The following MED16 variants were observed in gnomAD, a reference collection of about 807,000 sequenced individuals.
The protein encoded by MED16 is mediator of RNA polymerase II transcription subunit 16.
MED16 carries 81 observed loss-of-function variants against 84.4 expected under a neutral mutation model. The observed-to-expected ratio is 0.96, with a 90% CI of 0.80 to 1.15. The LOEUF (loss-of-function observed/expected upper bound fraction) is 1.15, where lower values mean the gene tolerates loss of function less well. Among genes scored for constraint, MED16 ranks in the 50% most tolerant of loss-of-function variants. MED16 has a pLI of 0.00. For missense variants in MED16, 1,585 were observed against 1,245.9 expected (o/e 1.27, Z -4.10); for synonymous variants, 897 against 552.2 (o/e 1.62, Z -8.76).
At chr19:873,637 C>T (rs2036156145) in intron 10 of MED16, 55 bp from the exon 11 acceptor site, 3 of 1,597,068 alleles carry the variant, frequency 1.9e-6, no homozygotes, top group Non-Finnish European at 8.5e-7. Context: ...ACAGGGTGAC[C>T]TAACTGCACC....
At chr19:889,608 C>T (rs768991637) in intron 4 of MED16, 30 bp downstream of exon 4, 1 of 1,587,692 alleles carries the variant, frequency 6.3e-7, no homozygotes, top group South Asian at 1.1e-5. Flanking sequence ...TCTCATCTGC[C>T]TCATCCGCTC....
At chr19:886,351 G>A (rs2036527551) in intron 4 of MED16, 150 bp from the exon 5 acceptor site, 4 of 668,602 alleles carry the variant, frequency 6.0e-6, no homozygotes, top group Non-Finnish European at 9.6e-6. Context: ...TGAGCCGTGT[G>A]GGATGTGATC....
chr19:889,743 C>T lies in MED16; in HGVS notation c.342G>A (p.Leu114=). 6.2e-7 allele frequency: 1 copy of T among 1,613,626 alleles called. No individual in the cohort carries two copies. The highest frequency in any genetic ancestry group is 8.5e-7 in the Non-Finnish European group (1 of 1,179,932). Residue 114 remains leucine (L), a synonymous_variant, in exon 4 of 16, where the codon CTG becomes CTA. Transcript: ENST00000325464. ...CCACTGAGCTCTCCCAGCTATTAGC[C>T]AGGTGGTCCGCCATGCTCCAGCACT... The part of the protein sequence containing the change: ...QIKCWSMADH[L]ANSWESSVGS...
chr19:880,057 C>A lies in MED16; in HGVS notation c.1233G>T (p.Pro411=). The A allele has an allele frequency of 6.2e-7, 1 of 1,611,126 alleles. No homozygotes were observed. The highest frequency in any genetic ancestry group is 8.5e-7 in the Non-Finnish European group (1 of 1,179,342). The change falls in exon 8 of 16, where the codon CCG becomes CCT. Residue 411 remains proline, a synonymous_variant. Coordinates refer to ENST00000325464, the MANE Select transcript of MED16 (RefSeq NM_005481.3). The part of the protein sequence containing the change: ...TMAVFYSSAA[P]RPVDEPAMKR... ...TCATGGCCGGCTCATCCACAGGCCTCGGGGCCGCGGAGCTGTAGAAGACGG... is the reference window on the plus strand; with the variant it reads ...TCATGGCCGGCTCATCCACAGGCCTAGGGGCCGCGGAGCTGTAGAAGACGG...
chr19:880,218 G>GCTCTGCAGGGTGTGGAGAGC (rs1196582687), intron 7 of MED16, 70 bp from the exon 8 acceptor site: 866 of 1,430,412 alleles, frequency 6.1e-4, no homozygotes, highest in Non-Finnish European at 7.4e-4. Context: ...GGGGCCTCCT[G>GCTCTGCAGGGTGTGGAGAGC]CTCTGCAGGG....
intron 14 of MED16, 60 bp from the exon 15 acceptor site, chr19:868,559 C>T: frequency 3.2e-6 from 5 of 1,583,978 alleles, no homozygotes; most frequent in Non-Finnish European, 3.4e-6. Context: ...CTTACGCCTG[C>T]CCCACTTTTG....
At chr19:869,993 C>T (rs888234240) in intron 13 of MED16, among the ~76,000 whole-genome samples, 2 of 152,184 alleles carry the variant, frequency 1.3e-5, no homozygotes, top group African/African-American at 2.4e-5. Context: ...CACAGGGCTG[C>T]TGGGCAGCCA....
chr19:872,076 T>G lies in MED16; in HGVS notation c.1948A>C (p.Thr650Pro). 6.2e-7 allele frequency: 1 copy of G among 1,608,596 alleles called. No homozygotes were observed. The highest frequency in any genetic ancestry group is 1.1e-5 in the South Asian group (1 of 90,806). Residue 650 changes from threonine (T) to proline (P), a missense_variant, in exon 12 of 16, where the codon ACC becomes CCC. Physicochemically the swap from Thr to Pro is conservative, Grantham distance 38 (BLOSUM62 -1). Coordinates refer to ENST00000325464, the MANE Select transcript of MED16 (RefSeq NM_005481.3). ...AATTCCCGAAGCATGCCCAGCGAGG[T>G]GCCGTCCCGCAGAAAGCTGTGGCCC... ...RPGHSFLRDG[T>P]SLGMLRELMV... is the part of the protein sequence containing the mutation.
chr19:891,546 G>A (rs368650017), intron 1 of MED16, among the ~76,000 whole-genome samples: 8 of 152,224 alleles, frequency 5.3e-5, no homozygotes, highest in South Asian at 2.1e-4. Context: ...GGAAGAGCCC[G>A]CAGACAGGCA....
At position 877,013 on chromosome 19, in the gene MED16, C is replaced by A. The variant is rs1346188302; in HGVS notation, c.1521G>T (p.Leu507=). ...PSMVQSLVEK[L]HEEYTRQTAA... is the part of the protein sequence containing the mutation. Reference sequence around the variant, plus strand: ...CGGTCTGGCGCGTGTACTCCTCGTGCAGCTTCTCCACCAGGCTCTGTACCA... The same window carrying A: ...CGGTCTGGCGCGTGTACTCCTCGTGAAGCTTCTCCACCAGGCTCTGTACCA... The change falls in exon 9 of 16, where the codon CTG becomes CTT. Residue 507 remains leucine (L), a synonymous_variant. Coordinates refer to ENST00000325464, the MANE Select transcript of MED16 (RefSeq NM_005481.3). 6.2e-7 allele frequency: 1 copy of A among 1,612,500 alleles called. No homozygotes were observed. The highest frequency in any genetic ancestry group is 1.1e-5 in the South Asian group (1 of 91,074).
rs145561063 is a variant in MED16, at chr19:871,691, G to A, written c.2098+235C>T. ...GGGAAATAGCAGATATCAAGGCAGAGCCACTGCCACCTGCAGGGGCTTATG... is the reference window on the plus strand; with the variant it reads ...GGGAAATAGCAGATATCAAGGCAGAACCACTGCCACCTGCAGGGGCTTATG... On this transcript the variant is annotated intron_variant, in intron 12 of 15. Coordinates refer to ENST00000325464, the MANE Select transcript of MED16 (RefSeq NM_005481.3). The A allele has an allele frequency of 7.2e-5, 106 of 1,475,478 alleles. No individual in the cohort carries two copies. The East Asian group carries it at 1.1e-3, about 16-fold the overall frequency. The allele number at this position is 1,475,478 out of a possible 1,614,324, so 91.4% of individuals were successfully genotyped here.
chr19:891,912 G>A (rs1045606688), intron 1 of MED16, among the ~76,000 whole-genome samples: 2 of 134,822 alleles, frequency 1.5e-5, no homozygotes, highest in Admixed American at 7.2e-5. Flanking sequence ...ACCTGTGGCC[G>A]AGGCGGGGCT....
chr19:880,445 G>C (rs1382422886), intron 7 of MED16, among the ~76,000 whole-genome samples: 1 of 152,216 alleles, frequency 6.6e-6, no homozygotes, highest in African/African-American at 2.4e-5. Context: ...CAGGGGAGGG[G>C]GGCACTACAG....
At chr19:871,557 CCCT>C in intron 12 of MED16, 2 of 1,591,092 alleles carry the variant, frequency 1.3e-6, no homozygotes, top group Non-Finnish European at 8.5e-7. Context: ...ACACAGCTCA[CCCT>C]CCTCACATAC....
intron 12 of MED16, 183 bp downstream of exon 12, chr19:871,743 T>A: frequency 1.7e-6 from 1 of 585,450 alleles, no homozygotes; most frequent in African/African-American, 3.6e-5. Context: ...AGGCAGGACT[T>A]GTGTTTTGGT....
rs374371374 is a variant in MED16, at chr19:889,650, C to T, written c.435G>A (p.Leu145=). Residue 145 remains leucine (L), a synonymous_variant, in exon 4 of 16, where the codon CTG becomes CTA. Coordinates refer to ENST00000325464, the MANE Select transcript of MED16 (RefSeq NM_005481.3). ...SWLHNGVKLA[L]HVEKSGASSF... is the part of the protein sequence containing the mutation. Reference sequence around the variant, plus strand: ...GCAGGACACTCACCTTCTCCACGTGCAGGGCCAGTTTCACACCATTGTGCA... The same window carrying T: ...GCAGGACACTCACCTTCTCCACGTGTAGGGCCAGTTTCACACCATTGTGCA... 4 of 1,610,792 alleles carry T rather than the reference C, an allele frequency of 2.5e-6. No individual in the cohort carries two copies. In the African/African-American group the frequency reaches 4.0e-5, roughly 16 times the overall value.
At chr19:877,222 C>T (rs373709161) in intron 8 of MED16, 42 bp from the exon 9 acceptor site, 29 of 1,567,218 alleles carry the variant, frequency 1.9e-5, no homozygotes, top group Middle Eastern at 1.9e-4. Flanking sequence ...TGAGATGGGG[C>T]TGCGCCCTCA....
rs1060442 is a variant in MED16, at chr19:885,818, A to G, written c.831T>C (p.Phe277=). ...CTTDLNRKDK[F]PAITHLKFLA... is the part of the protein sequence containing the mutation. ...GGAACTTGAGGTGGGTGATGGCGGG[A>G]AACTTGTCCTTGCGGTTGAGGTCGG... Residue 277 remains phenylalanine, a synonymous_variant, in exon 5 of 16, where the codon TTT becomes TTC. Coordinates refer to ENST00000325464, the MANE Select transcript of MED16 (RefSeq NM_005481.3). 997,251 of 1,612,838 alleles carry G rather than the reference A, an allele frequency of 0.62. 309,449 individuals are homozygous for G. Among genetic ancestry groups the G allele is most frequent in the East Asian group, 0.68 (30,602 of 44,826 alleles).
At chr19:888,382 G>A (rs1181101548) in intron 4 of MED16, among the ~76,000 whole-genome samples, 1 of 151,634 alleles carries the variant, frequency 6.6e-6, no homozygotes, top group African/African-American at 2.4e-5. Context: ...AAATTAGCCA[G>A]GTGTGGTGGT....
Sources: gnomAD v4.1 joint callset for allele counts (sites outside exome capture counted in the v4.1 genomes callset) on GRCh38, gnomAD v4.1.1 for gene constraint, MANE v1.5 for transcripts, NCBI Gene and HGNC (gene_info 2026-07-23, HGNC 2026-07-21) for gene names.